CDIN1: variants seen among roughly 807,000 people sequenced by gnomAD.
CDIN1 encodes CDAN1 interacting nuclease 1.
CDIN1 carries 33 observed loss-of-function variants against 45.3 expected under a neutral mutation model. The observed-to-expected ratio is 0.73, with a 90% CI of 0.55 to 0.97. The LOEUF (loss-of-function observed/expected upper bound fraction) is 0.97, where lower values mean the gene tolerates loss of function less well. Ranked by LOEUF, CDIN1 falls within the 50% of genes least tolerant of loss-of-function variation. The probability of loss-of-function intolerance (pLI) is 0.00; values close to 1 mark genes in which losing one functional copy is unlikely to be tolerated. For missense variants in CDIN1, 303 were observed against 339.4 expected (o/e 0.89, Z 0.84); for synonymous variants, 118 against 124.4 (o/e 0.95, Z 0.34).
Position 36,749,118 on chromosome 15 carries a change from C to T in CDIN1, c.716+39157C>T, listed in dbSNP as rs529845093. On this transcript the variant is annotated intron_variant, in intron 10 of 10. Coordinates refer to ENST00000566621, the MANE Select transcript of CDIN1 (RefSeq NM_001321759.2). ...TTTTAATAATTACTGTTCCAAAAAACCCCAGAAATATACATATTAAATGAT... is the reference window on the plus strand; with the variant it reads ...TTTTAATAATTACTGTTCCAAAAAATCCCAGAAATATACATATTAAATGAT... Among the ~76,000 whole-genome samples, 5 of 152,250 alleles carry T rather than the reference C, an allele frequency of 3.3e-5. No homozygotes were observed. In the East Asian group the frequency reaches 9.6e-4, roughly 29 times the overall value.
intron 10 of CDIN1, among the ~76,000 whole-genome samples, chr15:36,736,923 T>C (rs1438435346): frequency 6.6e-6 from 1 of 151,972 alleles, no homozygotes; most frequent in Non-Finnish European, 1.5e-5. Flanking sequence ...TCCCAGCACT[T>C]TGGGAGGCTG....
intron 1 of CDIN1, among the ~76,000 whole-genome samples, chr15:36,586,995 A>C (rs2037332518): frequency 6.6e-6 from 1 of 152,214 alleles, no homozygotes; most frequent in Non-Finnish European, 1.5e-5. Context: ...TTTTGCTAGT[A>C]GACCAAGCCC....
At chr15:36,674,579 G>C (rs908699506) in intron 5 of CDIN1, among the ~76,000 whole-genome samples, 3 of 152,244 alleles carry the variant, frequency 2.0e-5, no homozygotes, top group East Asian at 3.9e-4. Context: ...AGCGTCAAAT[G>C]TACAGTATAA....
Position 36,695,757 on chromosome 15 carries a change from G to T in CDIN1, c.477-1566G>T, listed in dbSNP as rs181024631. ...AGCTACTCTGGAGGCTGAGGCTGAAGAATTGCTTGAACCCAGGAGACAGAG... is the reference window on the plus strand; with the variant it reads ...AGCTACTCTGGAGGCTGAGGCTGAATAATTGCTTGAACCCAGGAGACAGAG... On this transcript the variant is annotated intron_variant, in intron 7 of 10. Coordinates refer to ENST00000566621, the MANE Select transcript of CDIN1 (RefSeq NM_001321759.2). 2.9e-3 allele frequency among the ~76,000 whole-genome samples: 446 copies of T among 151,904 alleles called. 1 individual carries two copies. The highest frequency in any genetic ancestry group is 5.0e-3 in the Non-Finnish European group (338 of 67,960).
chr15:36,790,754 T>A (rs1355781910), intron 10 of CDIN1, among the ~76,000 whole-genome samples: 1 of 152,142 alleles, frequency 6.6e-6, no homozygotes, highest in Non-Finnish European at 1.5e-5. Flanking sequence ...TCCAGCAAAT[T>A]CCCTGGGAGA....
At position 36,809,843 on chromosome 15, in the gene CDIN1, C is replaced by T. The variant is rs2055342728; in HGVS notation, c.*1390C>T. ...TGTAAAAATATGCCTGCTGCTTTTCCTTTTGAAGGACACAAACCTGGTCCC... is the reference window on the plus strand; with the variant it reads ...TGTAAAAATATGCCTGCTGCTTTTCTTTTTGAAGGACACAAACCTGGTCCC... On this transcript the variant is annotated 3_prime_UTR_variant, in exon 11 of 11. Transcript: ENST00000566621. 6.6e-6 allele frequency: 1 copy of T among 151,972 alleles called. No homozygotes were observed. Among genetic ancestry groups the T allele is most frequent in the African/African-American group, 2.4e-5 (1 of 41,362 alleles). 9.4% of individuals were successfully genotyped at this position (151,972 alleles called of 1,614,324 possible). A position where few individuals can be genotyped will look rare whatever the true frequency, so the allele number is the denominator to read the frequency against.
At chr15:36,659,272 G>A (rs1011588643) in intron 5 of CDIN1, among the ~76,000 whole-genome samples, 3 of 152,068 alleles carry the variant, frequency 2.0e-5, no homozygotes, top group African/African-American at 7.2e-5. Context: ...TATAACACTG[G>A]CACATCTTCA....
At chr15:36,617,768 A>T in intron 1 of CDIN1, 1 of 812,110 alleles carries the variant, frequency 1.2e-6, no homozygotes, top group Non-Finnish European at 2.2e-6. Context: ...CCCCAAAGTG[A>T]TAAGTTGTGA....
chr15:36,611,524 T>C (rs984651010), intron 1 of CDIN1, among the ~76,000 whole-genome samples: 2 of 152,220 alleles, frequency 1.3e-5, no homozygotes, highest in Non-Finnish European at 2.9e-5. Context: ...TACAAAATTA[T>C]CATGGGTTGG....
intron 10 of CDIN1, among the ~76,000 whole-genome samples, chr15:36,728,961 A>C (rs544024251): frequency 1.3e-5 from 2 of 152,324 alleles, no homozygotes; most frequent in Admixed American, 1.3e-4. Flanking sequence ...GGCGTGAGCC[A>C]CCACGCCTAG....
chr15:36,666,808 T>G (rs961217347), intron 5 of CDIN1, among the ~76,000 whole-genome samples: 2 of 152,340 alleles, frequency 1.3e-5, no homozygotes, highest in African/African-American at 4.8e-5. Flanking sequence ...CTTATTTGGT[T>G]ATTAGCTGCT....
chr15:36,657,800 A>G (rs755539718), intron 4 of CDIN1, 33 bp from the exon 5 acceptor site: 1 of 1,564,234 alleles, frequency 6.4e-7, no homozygotes, highest in South Asian at 1.2e-5. Flanking sequence ...GCACAACTTG[A>G]TAGTTTTAAT....
At chr15:36,618,326 T>C in intron 1 of CDIN1, 1 of 676,526 alleles carries the variant, frequency 1.5e-6, no homozygotes. Flanking sequence ...GAAAGCATAA[T>C]CCTACAGTAA....
At chr15:36,585,307 T>A (rs1196767798) in intron 1 of CDIN1, among the ~76,000 whole-genome samples, 4 of 152,220 alleles carry the variant, frequency 2.6e-5, no homozygotes, top group Non-Finnish European at 2.9e-5. Flanking sequence ...CAGACACATT[T>A]TTTGAACTTT....
intron 10 of CDIN1, among the ~76,000 whole-genome samples, chr15:36,720,252 TATTA>T (rs1566928771): frequency 1.5e-5 from 1 of 65,558 alleles, no homozygotes; most frequent in Admixed American, 1.8e-4. Flanking sequence ...ATTTATTATT[TATTA>T]TTTATTTATT....
intron 1 of CDIN1, chr15:36,641,235 G>A (rs1178819794): frequency 6.6e-6 from 1 of 152,214 alleles, no homozygotes; most frequent in Non-Finnish European, 1.5e-5. Flanking sequence ...TAAAAAAATA[G>A]ACATGTATAA....
intron 8 of CDIN1, chr15:36,706,115 G>A (rs145443641): frequency 6.6e-5 from 10 of 152,174 alleles, no homozygotes; most frequent in African/African-American, 2.4e-4. Context: ...TCAAACATAT[G>A]CAGTTTTATA....
chr15:36,723,866 G>T (rs974117794), intron 10 of CDIN1, among the ~76,000 whole-genome samples: 1 of 152,156 alleles, frequency 6.6e-6, no homozygotes, highest in Non-Finnish European at 1.5e-5. Flanking sequence ...CGCATACAAA[G>T]GTGAGCAAAA....
At chr15:36,711,820 A>G (rs562326175) in intron 10 of CDIN1, among the ~76,000 whole-genome samples, 40 of 152,294 alleles carry the variant, frequency 2.6e-4, no homozygotes, top group African/African-American at 9.6e-4. Flanking sequence ...AAGTTCAAAA[A>G]GGAACATTTA....
Sources: gnomAD v4.1 joint callset for allele counts (sites outside exome capture counted in the v4.1 genomes callset) on GRCh38, gnomAD v4.1.1 for gene constraint, MANE v1.5 for transcripts, NCBI Gene and HGNC (gene_info 2026-07-23, HGNC 2026-07-21) for gene names.